Variants in SLC1A6 observed in about 807,000 individuals in gnomAD.
The protein encoded by SLC1A6 is excitatory amino acid transporter 4.
A neutral mutation model predicts 42.1 loss-of-function variants in SLC1A6; 15 were observed. That is an observed-to-expected ratio of 0.36 (90% CI 0.24 to 0.55). The LOEUF (loss-of-function observed/expected upper bound fraction) is 0.55, where lower values mean the gene tolerates loss of function less well. SLC1A6 is among the 20% of genes least tolerant of loss of function. The pLI is 0.88. For synonymous variants in SLC1A6, 317 were observed against 319.7 expected (o/e 0.99, Z 0.09); for missense variants, 542 against 772.5 (o/e 0.70, Z 3.54).
Position 14,972,701 on chromosome 19 carries a change from C to A in SLC1A6, c.205+5G>T. The A allele has an allele frequency of 6.2e-7, 1 of 1,613,158 alleles. No homozygotes were observed. The highest frequency in any genetic ancestry group is 8.5e-7 in the Non-Finnish European group (1 of 1,179,424). ...AGTCCCCGCCCTCCAAGAGGCAGAG[C>A]TCACCAATGACCACGGCGCTGACCG... is the stretch of plus-strand genomic sequence containing the variant. On this transcript the variant is annotated splice_donor_5th_base_variant and intron_variant, in intron 2 of 9. Coordinates refer to ENST00000594383, the MANE Select transcript of SLC1A6 (RefSeq NM_005071.3).
chr19:14,950,467 G>A (rs950993811), intron 9 of SLC1A6, 77 bp from the exon 10 acceptor site: 2 of 1,158,190 alleles, frequency 1.7e-6, no homozygotes, highest in African/African-American at 1.6e-5. Flanking sequence ...GCAGAGGGGG[G>A]TCCCTGTGCC....
chr19:15,010,637 C>T (rs2045922243), upstream of SLC1A6: 5 of 673,896 alleles, frequency 7.4e-6, no homozygotes, highest in African/African-American at 3.6e-5. Context: ...AGGCCAAGTT[C>T]CAAAGCAAAG....
At chr19:14,982,691 C>A (rs7253812), upstream of SLC1A6, among the ~76,000 whole-genome samples, 84,650 of 152,108 alleles carry the variant, frequency 0.56, 23,769 homozygotes, top group South Asian at 0.63. Context: ...TCTGTACTAT[C>A]TTTTCATTTT....
chr19:14,988,007 T>C (rs1470046009), intron 1 of SLC1A6, among the ~76,000 whole-genome samples: 2 of 152,118 alleles, frequency 1.3e-5, no homozygotes, highest in Non-Finnish European at 1.5e-5. Context: ...CACAGATGTA[T>C]ACTAACAATA....
upstream of SLC1A6, among the ~76,000 whole-genome samples, chr19:14,981,014 C>A (rs2045764069): frequency 6.6e-6 from 1 of 151,994 alleles, no homozygotes; most frequent in South Asian, 2.1e-4. Flanking sequence ...TGAAGCCAGC[C>A]TGACATAGTG....
intron 1 of SLC1A6, chr19:14,974,644 A>C (rs1254275742): frequency 6.6e-6 from 1 of 152,000 alleles, no homozygotes; most frequent in Non-Finnish European, 1.5e-5. Flanking sequence ...CATTCATATA[A>C]AGAAAAATAT....
chr19:15,006,520 C>T (rs1361674181), intron 1 of SLC1A6, among the ~76,000 whole-genome samples: 3 of 151,996 alleles, frequency 2.0e-5, no homozygotes, highest in South Asian at 2.1e-4. Flanking sequence ...GCGTGGGAGT[C>T]GCTGGTTGCC....
At chr19:14,982,024 C>T (rs1413894264), upstream of SLC1A6, among the ~76,000 whole-genome samples, 1 of 151,574 alleles carries the variant, frequency 6.6e-6, no homozygotes, top group Non-Finnish European at 1.5e-5. Context: ...TGCCACAGCA[C>T]TCCAGCCTGG....
At chr19:14,996,928 C>T (rs1600036435) in intron 1 of SLC1A6, among the ~76,000 whole-genome samples, 1 of 152,044 alleles carries the variant, frequency 6.6e-6, no homozygotes, top group African/African-American at 2.4e-5. Flanking sequence ...TCAGTGGGCT[C>T]CCTTCCTTGG....
intron 1 of SLC1A6, among the ~76,000 whole-genome samples, chr19:14,998,176 G>A (rs1439724319): frequency 1.3e-5 from 2 of 152,052 alleles, no homozygotes; most frequent in Non-Finnish European, 2.9e-5. Flanking sequence ...ATAGAAAGAC[G>A]GAATCAGACA....
intron 5 of SLC1A6, among the ~76,000 whole-genome samples, chr19:14,962,597 T>G (rs754994240): frequency 1.3e-5 from 2 of 152,072 alleles, no homozygotes; most frequent in African/African-American, 4.8e-5. Flanking sequence ...CATATGGAGC[T>G]TCCTCAAAAA....
intron 1 of SLC1A6, among the ~76,000 whole-genome samples, chr19:14,992,105 C>T (rs939728451): frequency 3.9e-5 from 6 of 152,202 alleles, no homozygotes; most frequent in Admixed American, 2.0e-4. Flanking sequence ...GGATTACAGG[C>T]GTGAGCCAAC....
intron 1 of SLC1A6, among the ~76,000 whole-genome samples, chr19:14,994,333 G>A (rs1347312146): frequency 6.6e-6 from 1 of 152,128 alleles, no homozygotes; most frequent in African/African-American, 2.4e-5. Context: ...AGACTGCAGA[G>A]CACAAGGTCC....
At chr19:14,986,050 GA>G (rs1354318954) in intron 1 of SLC1A6, among the ~76,000 whole-genome samples, 1 of 149,966 alleles carries the variant, frequency 6.7e-6, no homozygotes. Context: ...GGAATTCCAT[GA>G]AAAAAAGTAG....
chr19:14,992,786 C>G (rs1240591871), intron 1 of SLC1A6, among the ~76,000 whole-genome samples: 1 of 152,174 alleles, frequency 6.6e-6, no homozygotes, highest in Non-Finnish European at 1.5e-5. Context: ...CAGGGCAGTG[C>G]AGACGGAGCA....
rs558034871 is a variant in SLC1A6 at position 14,969,760 on chromosome 19, T to C, written c.344-1253A>G. Reference sequence around the variant, plus strand: ...CCAGGGATTGGCAAACTGCTACTCATGCCAAATCCGGCCCTCTGCCTGCTT... The same window carrying C: ...CCAGGGATTGGCAAACTGCTACTCACGCCAAATCCGGCCCTCTGCCTGCTT... On this transcript the variant is annotated intron_variant, in intron 3 of 9. Coordinates refer to ENST00000594383, the MANE Select transcript of SLC1A6 (RefSeq NM_005071.3). Among the ~76,000 whole-genome samples, 9 of 152,354 alleles carry C rather than the reference T, an allele frequency of 5.9e-5. No homozygotes were observed. The South Asian group carries it at 1.9e-3, about 32-fold the overall frequency.
At position 14,959,797 on chromosome 19, in the gene SLC1A6, A is replaced by C. The variant is rs777299604; in HGVS notation, c.935+2205T>G. 9.9e-5 allele frequency among the ~76,000 whole-genome samples: 15 copies of C among 152,090 alleles called. No homozygotes were observed. In the South Asian group the frequency reaches 1.0e-3, roughly 11 times the overall value. On this transcript the variant is annotated intron_variant, in intron 6 of 9. Coordinates refer to ENST00000594383, the MANE Select transcript of SLC1A6 (RefSeq NM_005071.3). ...TCACTGTCCAGTTGAAGTCCTACTC[A>C]CCTGTCAAGACGCAGTTAACAGGTG...
chr19:14,991,579 G>A (rs935138432), intron 1 of SLC1A6, among the ~76,000 whole-genome samples: 2 of 149,208 alleles, frequency 1.3e-5, no homozygotes, highest in Non-Finnish European at 3.0e-5. Flanking sequence ...CCGAGATATC[G>A]CCACTGCACT....
At chr19:14,993,118 G>C (rs915721665) in intron 1 of SLC1A6, among the ~76,000 whole-genome samples, 4 of 152,138 alleles carry the variant, frequency 2.6e-5, no homozygotes, top group African/African-American at 9.7e-5. Context: ...CAAGCGAATT[G>C]TCTAAAAGTA....
Sources: gnomAD v4.1 joint callset for allele counts (sites outside exome capture counted in the v4.1 genomes callset) on GRCh38, gnomAD v4.1.1 for gene constraint, MANE v1.5 for transcripts, NCBI Gene and HGNC (gene_info 2026-07-23, HGNC 2026-07-21) for gene names.